The following PKHD1L1 variants were observed in gnomAD, a reference collection of about 807,000 sequenced individuals.
The protein encoded by PKHD1L1 is fibrocystin-L.
Under a neutral mutation model 462.9 loss-of-function variants are expected in PKHD1L1, and 434 were observed. That is an observed-to-expected ratio of 0.94 (90% CI 0.87 to 1.02). The LOEUF is 1.02. PKHD1L1 is among the 50% of genes least tolerant of loss of function. The probability of loss-of-function intolerance (pLI) is 0.00; values close to 1 mark genes in which losing one functional copy is unlikely to be tolerated. For synonymous variants in PKHD1L1, 1,781 were observed against 1,750.0 expected (o/e 1.02, Z -0.44); for missense variants, 5,202 against 5,096.1 (o/e 1.02, Z -0.63).
intron 50 of PKHD1L1, among the ~76,000 whole-genome samples, chr8:109,473,187 G>A (rs532766371): frequency 6.6e-6 from 1 of 152,260 alleles, no homozygotes; most frequent in South Asian, 2.1e-4. Context: ...ATTAAGAAAT[G>A]TCAGGTTAAA....
rs1364618463 is a variant in PKHD1L1 at position 109,442,200 on chromosome 8, G to A, written c.4393+5G>A. ...GAAGACAAAAATCTACATCAGGTAT[G>A]TTTCTGCTTATTGGGTTTTGCATCA... On this transcript the variant is annotated splice_donor_5th_base_variant and intron_variant, in intron 35 of 77. Coordinates refer to ENST00000378402, the MANE Select transcript of PKHD1L1 (RefSeq NM_177531.6). The A allele has an allele frequency of 6.3e-7, 1 of 1,599,604 alleles. No homozygotes were observed. Among genetic ancestry groups the A allele is most frequent in the Non-Finnish European group, 8.5e-7 (1 of 1,174,030 alleles).
chr8:109,441,090 C>T (rs570739114), intron 33 of PKHD1L1, among the ~76,000 whole-genome samples, 185 bp from the exon 34 acceptor site: 1 of 151,772 alleles, frequency 6.6e-6, no homozygotes, highest in African/African-American at 2.4e-5. Context: ...GGAGTTTTTC[C>T]GCAAATAATT....
intron 27 of PKHD1L1, among the ~76,000 whole-genome samples, chr8:109,432,881 C>A (rs558773142): frequency 6.6e-6 from 1 of 152,242 alleles, no homozygotes; most frequent in East Asian, 1.9e-4. Flanking sequence ...TCTCTGTCAA[C>A]ACACAGATTC....
At chr8:109,397,742 T>C (rs1298737968) in intron 11 of PKHD1L1, among the ~76,000 whole-genome samples, 2 of 152,114 alleles carry the variant, frequency 1.3e-5, no homozygotes, top group African/African-American at 4.8e-5. Context: ...ATTTAAATTT[T>C]CCAGGCTATC....
chr8:109,445,291 G>A lies in PKHD1L1; in HGVS notation c.5422G>A (p.Gly1808Arg), dbSNP rs1303146905. 2.5e-6 allele frequency: 4 copies of A among 1,613,950 alleles called. No homozygotes were observed. The highest frequency in any genetic ancestry group is 3.4e-6 in the Non-Finnish European group (4 of 1,179,880). The change falls in exon 38 of 78, where the codon GGA (glycine) becomes AGA (arginine). Residue 1808 changes from glycine to arginine, a missense_variant. This residue lies in a region of PKHD1L1 where 4,497 missense variants were observed against 4,336.8 expected (regional missense o/e 1.04). Coordinates refer to ENST00000378402, the MANE Select transcript of PKHD1L1 (RefSeq NM_177531.6). ...TGCTCTTGTGACTCCTCTCCCAGTTGGACATCATTCTGTTAGTGTTGTGGT... is the reference window on the plus strand; with the variant it reads ...TGCTCTTGTGACTCCTCTCCCAGTTAGACATCATTCTGTTAGTGTTGTGGT... Reference protein sequence around the residue: ...ITALVTPLPVGHHSVSVVVGS... With the variant: ...ITALVTPLPVRHHSVSVVVGS...
chr8:109,438,947 C>G lies in PKHD1L1; in HGVS notation c.3811C>G (p.Gln1271Glu). The G allele has an allele frequency of 1.2e-6, 2 of 1,613,026 alleles. No homozygotes were observed. The highest frequency in any genetic ancestry group is 2.2e-5 in the South Asian group (2 of 90,972). The change falls in exon 32 of 78, where the codon CAA becomes GAA. Residue 1271 changes from glutamine (Q) to glutamate (E), a missense_variant. Gln to Glu is a conservative substitution (Grantham distance 29). Transcript: ENST00000378402. Reference protein sequence around the residue: ...KGYNFGNELTQNMAVYVGGKT... With the variant: ...KGYNFGNELTENMAVYVGGKT... ...CTATAATTTTGGAAATGAACTCACA[C>G]AAAACATGGCGGTGTATGTTGGAGG...
At position 109,420,686 on chromosome 8, in the gene PKHD1L1, G is replaced by A; in HGVS notation, c.2693G>A (p.Gly898Glu). ...YNIPMMAVSF[G>E]QIITHETENE... ...ATACCCATGATGGCTGTGAGCTTTG[G>A]GCAGGTAAGCCTAGAATTTTGCATT... The change falls in exon 23 of 78, where the codon GGG becomes GAG. Residue 898 changes from glycine (G) to glutamate (E), a missense_variant. By Grantham distance (98) the Gly-to-Glu change is moderately conservative. Transcript: ENST00000378402. 6.4e-7 allele frequency: 1 copy of A among 1,550,846 alleles called. No individual in the cohort carries two copies. Among genetic ancestry groups the A allele is most frequent in the Non-Finnish European group, 8.7e-7 (1 of 1,154,900 alleles).
At chr8:109,492,369 A>C (rs1388421151) in intron 62 of PKHD1L1, among the ~76,000 whole-genome samples, 3 of 151,834 alleles carry the variant, frequency 2.0e-5, no homozygotes, top group African/African-American at 7.2e-5. Context: ...TATTATACTT[A>C]TCTGATATTA....
intron 18 of PKHD1L1, among the ~76,000 whole-genome samples, chr8:109,408,552 A>G (rs1813680781): frequency 6.6e-6 from 1 of 152,312 alleles, no homozygotes; most frequent in Non-Finnish European, 1.5e-5. Flanking sequence ...AAATTCCTTG[A>G]GAGATGTAGT....
At position 109,535,041 on chromosome 8, in the gene PKHD1L1, A is replaced by C. The variant is rs984272655; in HGVS notation, c.*4951A>C. Among the ~76,000 whole-genome samples, 6 of 152,146 alleles carry C rather than the reference A, an allele frequency of 3.9e-5. No individual in the cohort carries two copies. The East Asian group carries it at 5.8e-4, about 15-fold the overall frequency. On this transcript the variant is annotated 3_prime_UTR_variant, in exon 78 of 78. Coordinates refer to ENST00000378402, the MANE Select transcript of PKHD1L1 (RefSeq NM_177531.6). ...TGGGTAGCATGATGAAACTTTTCCT[A>C]TCCTGCTTTTTGAGATTAAGAAATC...
intron 68 of PKHD1L1, among the ~76,000 whole-genome samples, chr8:109,507,291 T>C (rs1282459788): frequency 2.6e-5 from 4 of 152,182 alleles, no homozygotes; most frequent in Non-Finnish European, 5.9e-5. Context: ...GAATTTTATA[T>C]GTCCTGTATA....
In PKHD1L1 at chr8:109,448,236, T is replaced by A; in HGVS notation, c.5870T>A (p.Val1957Glu). The change falls in exon 39 of 78, where the codon GTA (valine) becomes GAA (glutamate). Residue 1957 changes from valine to glutamate, a missense_variant. Val to Glu is a moderately radical substitution (Grantham distance 121). Transcript: ENST00000378402. ...ATGATAAATAACATTCAGTGTAATG[T>A]AACCATGGCCAATGATAGTGTGGTG... Reference protein sequence around the residue: ...SVMINNIQCNVTMANDSVVQC... With the variant: ...SVMINNIQCNETMANDSVVQC... The A allele has an allele frequency of 6.2e-7, 1 of 1,613,618 alleles. No individual in the cohort carries two copies.
At chr8:109,475,294 T>C in intron 51 of PKHD1L1, 25 bp downstream of exon 51, 1 of 1,545,352 alleles carries the variant, frequency 6.5e-7, no homozygotes, top group Non-Finnish European at 8.8e-7. Context: ...CTTCTAATGA[T>C]TATAATTGTG....
Position 109,408,220 on chromosome 8 carries a change from A to C in PKHD1L1, c.1971+14A>C. The C allele has an allele frequency of 1.2e-6, 2 of 1,605,436 alleles. No individual in the cohort carries two copies. Among genetic ancestry groups the C allele is most frequent in the Non-Finnish European group, 1.7e-6 (2 of 1,174,750 alleles). ...TCAGAAGCTGAAGTACGGTGTAGGA[A>C]TGTTTCTACCACGCATTTTCCCTGC... is the stretch of plus-strand genomic sequence containing the variant. On this transcript the variant is annotated intron_variant, in intron 18 of 77. Coordinates refer to ENST00000378402, the MANE Select transcript of PKHD1L1 (RefSeq NM_177531.6).
chr8:109,379,529 G>T (rs2130398591), intron 2 of PKHD1L1, among the ~76,000 whole-genome samples: 1 of 152,272 alleles, frequency 6.6e-6, no homozygotes, highest in South Asian at 2.1e-4. Context: ...CATCCTGTGG[G>T]GTGGGACCCT....
At chr8:109,494,005 T>A (rs1818962228) in intron 63 of PKHD1L1, among the ~76,000 whole-genome samples, 1 of 151,902 alleles carries the variant, frequency 6.6e-6, no homozygotes, top group Non-Finnish European at 1.5e-5. Flanking sequence ...TTGATTTGGT[T>A]GGTATTGGGA....
chr8:109,408,483 T>C (rs1413647168), intron 18 of PKHD1L1, among the ~76,000 whole-genome samples: 1 of 152,156 alleles, frequency 6.6e-6, no homozygotes, highest in Admixed American at 6.5e-5. Flanking sequence ...TTTGAGTCCC[T>C]CTATGCACAC....
rs777306362 is a variant in PKHD1L1 at position 109,448,268 on chromosome 8, A to G, written c.5902A>G (p.Ile1968Val). The change falls in exon 39 of 78, where the codon ATC becomes GTC. Residue 1968 changes from isoleucine to valine, a missense_variant. Ile to Val is a conservative substitution (Grantham distance 29). Transcript: ENST00000378402. Reference protein sequence around the residue: ...TMANDSVVQCIVGDHAGGTFP... With the variant: ...TMANDSVVQCVVGDHAGGTFP... ...GGCCAATGATAGTGTGGTGCAGTGCATCGTGGGAGATCATGCTGGGGGCAC... is the reference window on the plus strand; with the variant it reads ...GGCCAATGATAGTGTGGTGCAGTGCGTCGTGGGAGATCATGCTGGGGGCAC... 10 of 1,613,724 alleles carry G rather than the reference A, an allele frequency of 6.2e-6. No individual in the cohort carries two copies. In the South Asian group the frequency reaches 9.9e-5, roughly 16 times the overall value.
At chr8:109,432,773 G>A (rs150582837) in intron 27 of PKHD1L1, among the ~76,000 whole-genome samples, 85 of 152,254 alleles carry the variant, frequency 5.6e-4, no homozygotes, top group African/African-American at 2.0e-3. Context: ...CATATACTAA[G>A]TTACCATATA....
Sources: gnomAD v4.1 joint callset for allele counts (sites outside exome capture counted in the v4.1 genomes callset) on GRCh38, gnomAD v4.1.1 for gene constraint, gnomAD v4.1.1 regional missense constraint, MANE v1.5 for transcripts, NCBI Gene and HGNC (gene_info 2026-07-23, HGNC 2026-07-21) for gene names.